NUP210: variants seen among roughly 807,000 people sequenced by gnomAD.
NUP210 encodes the protein nuclear pore membrane glycoprotein 210.
In NUP210, 151 loss-of-function variants were observed where a neutral mutation model predicts 196.0. The observed-to-expected ratio is 0.77, with a 90% CI of 0.67 to 0.88. NUP210 has a LOEUF of 0.88. Ranked by LOEUF, NUP210 falls within the 40% of genes least tolerant of loss-of-function variation. NUP210 has a pLI of 0.00. For missense variants in NUP210, 2,314 were observed against 2,493.7 expected (o/e 0.93, Z 1.53); for synonymous variants, 1,070 against 1,052.7 (o/e 1.02, Z -0.32).
At chr3:13,403,176 T>G (rs923628725) in intron 1 of NUP210, among the ~76,000 whole-genome samples, 1 of 152,204 alleles carries the variant, frequency 6.6e-6, no homozygotes, top group African/African-American at 2.4e-5. Context: ...GAGCTCACAG[T>G]CACACGTCTT....
intron 3 of NUP210, among the ~76,000 whole-genome samples, chr3:13,395,006 G>A (rs1559344125): frequency 6.6e-6 from 1 of 152,206 alleles, no homozygotes; most frequent in East Asian, 1.9e-4. Flanking sequence ...TTGCTGCAAA[G>A]GTGGGGCCTT....
At chr3:13,388,064 C>T (rs984578954) in intron 5 of NUP210, among the ~76,000 whole-genome samples, 3 of 152,166 alleles carry the variant, frequency 2.0e-5, no homozygotes, top group African/African-American at 7.2e-5. Context: ...TAAGAATGAG[C>T]AAATGCTATG....
chr3:13,392,262 A>T (rs1328592797), intron 3 of NUP210, among the ~76,000 whole-genome samples: 1 of 152,198 alleles, frequency 6.6e-6, no homozygotes, highest in Non-Finnish European at 1.5e-5. Flanking sequence ...TGCATGAAAT[A>T]GTGCCTAGCA....
At chr3:13,395,464 T>G (rs1699621520) in intron 3 of NUP210, among the ~76,000 whole-genome samples, 1 of 152,124 alleles carries the variant, frequency 6.6e-6, no homozygotes, top group Non-Finnish European at 1.5e-5. Context: ...ACTACAGGTG[T>G]GCGCCACCAC....
rs776604152 is a variant in NUP210 at position 13,335,600 on chromosome 3, G to A, written c.3697C>T (p.Leu1233Phe). The change falls in exon 28 of 40, where the codon CTC (leucine) becomes TTC (phenylalanine). Residue 1233 changes from leucine (L) to phenylalanine (F), a missense_variant. By Grantham distance (22) the Leu-to-Phe change is conservative. Transcript: ENST00000254508. ...RGRHHEASIRLPSQYNFAMNV... is the reference protein window; with the variant it reads ...RGRHHEASIRFPSQYNFAMNV... ...ATGGCAAAGTTGTACTGTGACGGGA[G>A]TCGGATCGACGCCTGGGAAGACATC... 5 of 1,614,066 alleles carry A rather than the reference G, an allele frequency of 3.1e-6. No homozygotes were observed. The highest frequency in any genetic ancestry group is 1.7e-5 in the Admixed American group (1 of 60,026).
rs992092268 is a variant in NUP210, at chr3:13,342,225, C to A, written c.2965-102G>T. The A allele has an allele frequency of 1.0e-5, 15 of 1,437,344 alleles. No homozygotes were observed. In the Admixed American group the frequency reaches 2.7e-4, roughly 26 times the overall value. The allele number at this position is 1,437,344 out of a possible 1,614,324, so 89.0% of individuals were successfully genotyped here. A position where few individuals can be genotyped will look rare whatever the true frequency, so the allele number is the denominator to read the frequency against. On this transcript the variant is annotated intron_variant, in intron 21 of 39. Coordinates refer to ENST00000254508, the MANE Select transcript of NUP210 (RefSeq NM_024923.4). ...TGAGATAGCATCACTAACCTCAACCCACAGACCTGGGAATCAGGAGAGTCA... is the reference window on the plus strand; with the variant it reads ...TGAGATAGCATCACTAACCTCAACCAACAGACCTGGGAATCAGGAGAGTCA...
In NUP210 at chr3:13,378,944, C is replaced by T. The variant is rs1359017333; in HGVS notation, c.1013G>A (p.Ser338Asn). The T allele has an allele frequency of 3.7e-6, 6 of 1,614,150 alleles. No individual in the cohort carries two copies. The highest frequency in any genetic ancestry group is 4.2e-6 in the Non-Finnish European group (5 of 1,179,980). Residue 338 changes from serine (S) to asparagine (N), a missense_variant, in exon 8 of 40, where the codon AGC becomes AAC. Transcript: ENST00000254508. ...RMQGASRLPN[S>N]TIYVVEPGYL... Reference sequence around the variant, plus strand: ...TCCAGGTTCGACCACGTAGATAGTGCTGTTGGGTAACCTAGAAGCACCTTG... The same window carrying T: ...TCCAGGTTCGACCACGTAGATAGTGTTGTTGGGTAACCTAGAAGCACCTTG...
intron 9 of NUP210, 135 bp downstream of exon 9, chr3:13,377,321 G>A (rs543794889): frequency 2.1e-5 from 14 of 654,588 alleles, no homozygotes; most frequent in Middle Eastern, 9.1e-4. Flanking sequence ...AGACCCGGGA[G>A]CGCCACTAGA....
At chr3:13,382,529 C>T (rs570413696) in intron 6 of NUP210, among the ~76,000 whole-genome samples, 2 of 151,266 alleles carry the variant, frequency 1.3e-5, no homozygotes, top group African/African-American at 2.4e-5. Context: ...AATGTATTTG[C>T]AAGAAAGGGA....
At chr3:13,401,089 A>G (rs1265571551) in intron 1 of NUP210, among the ~76,000 whole-genome samples, 1 of 151,738 alleles carries the variant, frequency 6.6e-6, no homozygotes, top group Non-Finnish European at 1.5e-5. Flanking sequence ...GAAACCCTGT[A>G]TCTACTAAAA....
At chr3:13,400,613 A>G (rs1699804091) in intron 1 of NUP210, among the ~76,000 whole-genome samples, 1 of 152,254 alleles carries the variant, frequency 6.6e-6, no homozygotes, top group Non-Finnish European at 1.5e-5. Context: ...AGAGGACAGC[A>G]GACTCCACAC....
chr3:13,382,956 G>C (rs913509593), intron 6 of NUP210, among the ~76,000 whole-genome samples: 1 of 152,030 alleles, frequency 6.6e-6, no homozygotes, highest in African/African-American at 2.4e-5. Flanking sequence ...GACCAGCCTG[G>C]ACAACACAGA....
rs1298226573 is a variant in NUP210 at position 13,322,266 on chromosome 3, C to T, written c.4842G>A (p.Gln1614=). Residue 1614 remains glutamine, a synonymous_variant, in exon 35 of 40, where the codon CAG becomes CAA. Transcript: ENST00000254508. The part of the protein sequence containing the change: ...HPETLISCQS[Q]FKPAVFDFPS... ...GGAAATCAAAGACGGCCGGCTTGAA[C>T]TGGGACTGGCAGCTGATGAGGGTCT... is the stretch of plus-strand genomic sequence containing the variant. 1 of 1,614,126 alleles carries T rather than the reference C, an allele frequency of 6.2e-7. No homozygotes were observed. Among genetic ancestry groups the T allele is most frequent in the African/African-American group, 1.3e-5 (1 of 74,938 alleles).
chr3:13,353,665 G>T lies in NUP210; in HGVS notation c.2522-5C>A, dbSNP rs1576375097. ...GAACCAAAATGGCCTGCAAACCTGA[G>T]ACCAGGAAGAAGGAAGCCACCGTTG... On this transcript the variant is annotated splice_region_variant and splice_polypyrimidine_tract_variant and intron_variant, in intron 17 of 39. Coordinates refer to ENST00000254508, the MANE Select transcript of NUP210 (RefSeq NM_024923.4). 6.2e-7 allele frequency: 1 copy of T among 1,613,280 alleles called. No individual in the cohort carries two copies. The highest frequency in any genetic ancestry group is 8.5e-7 in the Non-Finnish European group (1 of 1,179,270).
In NUP210 at chr3:13,340,250, C is replaced by T. The variant is rs142953891; in HGVS notation, c.3277G>A (p.Gly1093Arg). The part of the protein sequence containing the change: ...LMPRKVTLLI[G>R]ATMQVTSEGG... ...TTGGCTCTCACCTGCATCGTGGCCC[C>T]GATAAGCAGTGTCACCTTCCTGGGC... The change falls in exon 24 of 40, where the codon GGG becomes AGG. Residue 1093 changes from glycine to arginine, a missense_variant. By Grantham distance (125) the Gly-to-Arg change is moderately radical. Coordinates refer to ENST00000254508, the MANE Select transcript of NUP210 (RefSeq NM_024923.4). The surrounding 1 kb of genome is among the most constrained non-coding windows in gnomAD (Gnocchi z 4.0). 4.0e-5 allele frequency: 64 copies of T among 1,613,316 alleles called. No individual in the cohort carries two copies. In the Admixed American group the frequency reaches 8.7e-4, roughly 22 times the overall value.
intron 30 of NUP210, 56 bp downstream of exon 30, chr3:13,330,404 A>G: frequency 6.6e-7 from 1 of 1,524,918 alleles, no homozygotes; most frequent in South Asian, 1.2e-5. Flanking sequence ...TGAGAGGCAT[A>G]TTACCTCAGT....
chr3:13,366,390 C>T (rs747986425), intron 13 of NUP210, among the ~76,000 whole-genome samples: 3 of 152,210 alleles, frequency 2.0e-5, no homozygotes, highest in Admixed American at 2.0e-4. Flanking sequence ...CCTCAGCCTC[C>T]CAAAGTGCTG....
intron 30 of NUP210, among the ~76,000 whole-genome samples, chr3:13,329,680 A>C (rs1696917433): frequency 6.6e-6 from 1 of 152,244 alleles, no homozygotes; most frequent in African/African-American, 2.4e-5. Context: ...ACCCAGGCAG[A>C]GTCTAAAGAT....
intron 30 of NUP210, among the ~76,000 whole-genome samples, chr3:13,329,528 T>A (rs1034771761): frequency 2.1e-4 from 32 of 152,334 alleles, no homozygotes; most frequent in African/African-American, 7.5e-4. Context: ...CAGTGTCTGG[T>A]ATACAGCTAG....
Sources: allele counts gnomAD v4.1 joint callset (sites outside exome capture counted in the v4.1 genomes callset), GRCh38; gene constraint gnomAD v4.1.1; non-coding constraint Gnocchi (gnomAD v3.1); transcripts MANE v1.5; gene names NCBI Gene and HGNC (gene_info 2026-07-23, HGNC 2026-07-21).